FRMPD4: variants seen among roughly 807,000 people sequenced by gnomAD.
FRMPD4 encodes the protein FERM and PDZ domain containing 4, also known as FERM and PDZ domain-containing protein 4.
Under a neutral mutation model 94.1 loss-of-function variants are expected in FRMPD4, and 22 were observed. The observed-to-expected ratio is 0.23, with a 90% confidence interval of 0.17 to 0.33. The LOEUF is 0.33. Ranked by LOEUF, FRMPD4 falls within the 10% of genes least tolerant of loss-of-function variation. The pLI is 1.00. For missense variants in FRMPD4, 1,111 were observed against 1,339.9 expected (o/e 0.83, Z 2.67); for synonymous variants, 631 against 548.6 (o/e 1.15, Z -2.10).
chrX:12,098,610 C>T (rs1018074435), intron 3 of FRMPD4, among the ~76,000 whole-genome samples: 1 of 112,183 alleles, frequency 8.9e-6, no homozygotes, highest in African/African-American at 3.2e-5. Flanking sequence ...ATGTTTGCCA[C>T]TGATTCTCAA....
At chrX:12,482,780 G>A (rs1272876301) in intron 1 of FRMPD4, among the ~76,000 whole-genome samples, 1 of 111,939 alleles carries the variant, frequency 8.9e-6, no homozygotes, top group Non-Finnish European at 1.9e-5. Context: ...AAAATATTGA[G>A]ACTTTTTATA....
At chrX:12,350,638 G>A (rs2055788442) in intron 1 of FRMPD4, among the ~76,000 whole-genome samples, 1 of 112,509 alleles carries the variant, frequency 8.9e-6, no homozygotes, top group Non-Finnish European at 1.9e-5. Context: ...AAACAGGTTA[G>A]ACATTTCAAA....
intron 1 of FRMPD4, among the ~76,000 whole-genome samples, chrX:12,462,266 G>T (rs1180765145): frequency 5.4e-5 from 6 of 111,855 alleles, no homozygotes; most frequent in Admixed American, 9.5e-5. Flanking sequence ...TTTTATAAAT[G>T]AAAGAATGAA....
At chrX:12,184,920 A>G (rs12844853) in intron 1 of FRMPD4, among the ~76,000 whole-genome samples, 11,655 of 110,869 alleles carry the variant, frequency 0.11, 538 homozygotes, top group South Asian at 0.27. Flanking sequence ...AATAAGACCT[A>G]GTATTTTATA....
chrX:12,711,198 T>C (rs908277943), intron 14 of FRMPD4, among the ~76,000 whole-genome samples: 4 of 111,444 alleles, frequency 3.6e-5, no homozygotes, highest in African/African-American at 1.3e-4. Context: ...CGAACACGAG[T>C]TGTGAGCCCC....
intron 1 of FRMPD4, among the ~76,000 whole-genome samples, chrX:12,246,096 G>A (rs773524512): frequency 6.3e-5 from 7 of 110,903 alleles, no homozygotes; most frequent in African/African-American, 2.3e-4. Flanking sequence ...TCCCCTTTAG[G>A]GTTTTGCAAA....
At chrX:12,524,174 A>G (rs766656427) in intron 2 of FRMPD4, among the ~76,000 whole-genome samples, 56 of 111,916 alleles carry the variant, frequency 5.0e-4, no homozygotes, top group Middle Eastern at 4.6e-3. Flanking sequence ...AAAAGAAAAA[A>G]AAGTTTAAAA....
chrX:12,119,996 T>C (rs925809879), intron 3 of FRMPD4, among the ~76,000 whole-genome samples: 4 of 112,400 alleles, frequency 3.6e-5, no homozygotes, highest in African/African-American at 1.3e-4. Flanking sequence ...TATTTTTTCT[T>C]AATGAACTAT....
chrX:11,847,237 G>T (rs1397085193), intron 1 of FRMPD4, among the ~76,000 whole-genome samples: 1 of 110,159 alleles, frequency 9.1e-6, no homozygotes, highest in Non-Finnish European at 1.9e-5. Flanking sequence ...GAACAGACAC[G>T]TCTCAAAAGA....
intron 1 of FRMPD4, among the ~76,000 whole-genome samples, chrX:12,309,482 G>A (rs1281632053): frequency 8.9e-6 from 1 of 112,423 alleles, no homozygotes; most frequent in Non-Finnish European, 1.9e-5. Context: ...TGTTTATGAA[G>A]TGAGAAATTG....
chrX:12,020,848 T>C (rs2054628776), intron 3 of FRMPD4, among the ~76,000 whole-genome samples: 1 of 111,766 alleles, frequency 8.9e-6, no homozygotes, highest in South Asian at 3.8e-4. Flanking sequence ...TTCTCTACCT[T>C]GTCCTTAGGA....
At chrX:12,709,281 G>A (rs1023797369) in intron 13 of FRMPD4, among the ~76,000 whole-genome samples, 11 of 111,332 alleles carry the variant, frequency 9.9e-5, no homozygotes, top group Admixed American at 7.6e-4. Flanking sequence ...CCTATACCTA[G>A]GAGTGAAAGC....
At chrX:12,418,011 A>C (rs1209432763) in intron 1 of FRMPD4, among the ~76,000 whole-genome samples, 1 of 108,176 alleles carries the variant, frequency 9.2e-6, no homozygotes, top group Non-Finnish European at 1.9e-5. Context: ...AAAAAAAAAA[A>C]ACAAACAACA....
chrX:12,212,316 C>T (rs1016268239), intron 1 of FRMPD4, among the ~76,000 whole-genome samples: 1 of 110,829 alleles, frequency 9.0e-6, no homozygotes, highest in South Asian at 3.8e-4. Context: ...TAAAATCATT[C>T]GATTTTTTTT....
chrX:12,129,150 G>C (rs1265695703), intron 3 of FRMPD4, among the ~76,000 whole-genome samples: 1 of 111,895 alleles, frequency 8.9e-6, no homozygotes, highest in Non-Finnish European at 1.9e-5. Flanking sequence ...CCTACTATCT[G>C]TGGTACCAGT....
At chrX:12,683,024 C>A (rs1269721177) in intron 5 of FRMPD4, among the ~76,000 whole-genome samples, 2 of 111,373 alleles carry the variant, frequency 1.8e-5, no homozygotes, top group Admixed American at 9.5e-5. Flanking sequence ...TGCCCATATG[C>A]CCTTAATGTG....
At chrX:12,614,381 C>CCACA (rs780850079) in intron 3 of FRMPD4, among the ~76,000 whole-genome samples, 19 of 108,182 alleles carry the variant, frequency 1.8e-4, no homozygotes, top group African/African-American at 6.4e-4. Flanking sequence ...AGGGGCCTCA[C>CCACA]CACACACACA....
At chrX:12,643,398 C>T (rs2059517749) in intron 4 of FRMPD4, among the ~76,000 whole-genome samples, 1 of 111,681 alleles carries the variant, frequency 9.0e-6, no homozygotes. Flanking sequence ...GCCAGGATTA[C>T]AGGCGTGAGG....
chrX:12,555,475 G>T (rs2058586191), intron 2 of FRMPD4, among the ~76,000 whole-genome samples: 1 of 111,998 alleles, frequency 8.9e-6, no homozygotes. Context: ...ATCAAATTGA[G>T]ATACATCACA....
Sources: allele counts gnomAD v4.1 joint callset (sites outside exome capture counted in the v4.1 genomes callset), GRCh38; gene constraint gnomAD v4.1.1; transcripts MANE v1.5; gene names NCBI Gene and HGNC (gene_info 2026-07-23, HGNC 2026-07-21).